The following TLK1 variants were observed in gnomAD, a reference collection of about 807,000 sequenced individuals.
TLK1 encodes serine/threonine-protein kinase tousled-like 1.
Under a neutral mutation model 105.3 loss-of-function variants are expected in TLK1, and 24 were observed. That is an observed-to-expected ratio of 0.23 (90% CI 0.17 to 0.32). TLK1 has a LOEUF of 0.32. Ranked by LOEUF, TLK1 falls within the 10% of genes least tolerant of loss-of-function variation. The pLI is 1.00. For missense variants in TLK1, 558 were observed against 910.5 expected, an observed-to-expected ratio of 0.61 and a Z score of 4.98; for synonymous variants, 321 against 310.4, an observed-to-expected ratio of 1.03 and a Z score of -0.36.
intron 1 of TLK1, among the ~76,000 whole-genome samples, chr2:171,120,453 A>G (rs1001047904): frequency 4.6e-5 from 7 of 152,134 alleles, no homozygotes; most frequent in Non-Finnish European, 8.8e-5. Flanking sequence ...CAATAACAAA[A>G]AAAACCCAAT....
intron 3 of TLK1, among the ~76,000 whole-genome samples, chr2:171,066,105 T>C (rs1477345868): frequency 6.6e-6 from 1 of 152,196 alleles, no homozygotes; most frequent in Non-Finnish European, 1.5e-5. Flanking sequence ...ATTCACATAG[T>C]CTGTCTCTGC....
intron 1 of TLK1, among the ~76,000 whole-genome samples, chr2:171,135,341 A>G (rs1191240632): frequency 6.6e-6 from 1 of 150,604 alleles, no homozygotes; most frequent in African/African-American, 2.4e-5. Flanking sequence ...ATATATATAT[A>G]TATCAAAACA....
At position 171,006,492 on chromosome 2, in the gene TLK1, G is replaced by T. The variant is rs751791303; in HGVS notation, c.1750C>A (p.His584Asn). 1 of 1,607,338 alleles carries T rather than the reference G, an allele frequency of 6.2e-7. No homozygotes were observed. Among genetic ancestry groups the T allele is most frequent in the Non-Finnish European group, 8.5e-7 (1 of 1,177,496 alleles). The change falls in exon 17 of 21, where the codon CAT becomes AAT. Residue 584 changes from histidine (H) to asparagine (N), a missense_variant. By Grantham distance (68) the His-to-Asn change is moderately conservative (BLOSUM62 1). Coordinates refer to ENST00000431350, the MANE Select transcript of TLK1 (RefSeq NM_012290.5). ...TAATTACCTGGCTTAAGATCATAAT[G>T]TATAATAGGGGGTTTGATCTCATTG... ...YLNEIKPPIIHYDLKPGNILL... is the reference protein window; with the variant it reads ...YLNEIKPPIINYDLKPGNILL...
intron 11 of TLK1, among the ~76,000 whole-genome samples, chr2:171,029,367 C>T (rs918861993): frequency 2.6e-5 from 4 of 152,178 alleles, no homozygotes; most frequent in Admixed American, 6.5e-5. Context: ...CAGTGGCTCA[C>T]GCCTGTAATC....
In TLK1 at chr2:171,073,689, AT is replaced by A. The variant is rs376674112; in HGVS notation, c.330+9091del. ...ATATATTTTAGTGTCAGATACTCTA[AT>A]TTCTGCCTGAATATAGGTCTCTAAA... On this transcript the variant is annotated intron_variant, in intron 3 of 20. Transcript: ENST00000431350. 2.1e-4 allele frequency among the ~76,000 whole-genome samples: 32 copies of A among 152,172 alleles called. No homozygotes were observed. The East Asian group carries it at 5.4e-3, about 26-fold the overall frequency.
At chr2:171,119,769 A>G (rs1690578070) in intron 1 of TLK1, among the ~76,000 whole-genome samples, 1 of 152,236 alleles carries the variant, frequency 6.6e-6, no homozygotes, top group Non-Finnish European at 1.5e-5. Context: ...GGATATCCAC[A>G]TGCAAATAAA....
intron 1 of TLK1, among the ~76,000 whole-genome samples, chr2:171,119,293 G>C (rs1690556271): frequency 6.6e-6 from 1 of 151,994 alleles, no homozygotes; most frequent in Non-Finnish European, 1.5e-5. Flanking sequence ...CCTTTATTGA[G>C]AGGAAAAACC....
At chr2:171,050,303 AG>A in intron 8 of TLK1, 129 bp from the exon 9 acceptor site, 2 of 574,554 alleles carry the variant, frequency 3.5e-6, no homozygotes, top group South Asian at 4.0e-5. Flanking sequence ...GTATGATACG[AG>A]AAAAAAAAAA....
intron 1 of TLK1, among the ~76,000 whole-genome samples, chr2:171,137,841 T>A (rs1470423148): frequency 6.7e-6 from 1 of 150,262 alleles, no homozygotes; most frequent in East Asian, 1.9e-4. Flanking sequence ...AGAGTGAGAC[T>A]CTGTCTCAAA....
intron 1 of TLK1, among the ~76,000 whole-genome samples, chr2:171,177,115 G>A (rs1293115424): frequency 1.4e-5 from 2 of 143,118 alleles, no homozygotes; most frequent in Middle Eastern, 4.4e-3. Context: ...TTACAGGCAT[G>A]AGCCAGTATG....
At chr2:171,041,117 C>T (rs886534578) in intron 11 of TLK1, among the ~76,000 whole-genome samples, 6 of 152,064 alleles carry the variant, frequency 3.9e-5, no homozygotes, top group African/African-American at 1.4e-4. Context: ...CAGACTTTAT[C>T]TAGAGATAGT....
chr2:171,215,723 T>C (rs1693701241), intron 1 of TLK1, among the ~76,000 whole-genome samples: 1 of 152,212 alleles, frequency 6.6e-6, no homozygotes, highest in African/African-American at 2.4e-5. Context: ...CTCTTGACTT[T>C]ATAGTCTGTC....
chr2:171,042,871 T>C lies in TLK1; in HGVS notation c.1169+3303A>G, dbSNP rs531529841. 4.0e-4 allele frequency among the ~76,000 whole-genome samples: 61 copies of C among 152,274 alleles called. No individual in the cohort carries two copies. The Middle Eastern group carries it at 0.01, about 25-fold the overall frequency. On this transcript the variant is annotated intron_variant, in intron 11 of 20. Coordinates refer to ENST00000431350, the MANE Select transcript of TLK1 (RefSeq NM_012290.5). ...GTCCATTTAGAGAATTGAAAAAGTT[T>C]AACTTAAGATATATGTAGGGCAAAT...
At chr2:171,018,131 T>C (rs1685296127) in intron 12 of TLK1, among the ~76,000 whole-genome samples, 2 of 152,214 alleles carry the variant, frequency 1.3e-5, no homozygotes, top group Admixed American at 6.5e-5. Flanking sequence ...GATTAGGTTA[T>C]GGAGCCTTCA....
intron 5 of TLK1, among the ~76,000 whole-genome samples, chr2:171,057,325 T>C (rs568352964): frequency 1.3e-5 from 2 of 152,192 alleles, no homozygotes; most frequent in East Asian, 3.9e-4. Flanking sequence ...AGCATGTTCA[T>C]TAAACAACTT....
chr2:171,115,174 C>T (rs28393413), intron 2 of TLK1, among the ~76,000 whole-genome samples: 51,306 of 135,242 alleles, frequency 0.38, 10,992 homozygotes, highest in African/African-American at 0.56. Flanking sequence ...GAATTTCTTT[C>T]TTTTTTTTTT....
intron 1 of TLK1, among the ~76,000 whole-genome samples, chr2:171,158,263 C>T (rs1692313224): frequency 6.6e-6 from 1 of 152,140 alleles, no homozygotes; most frequent in Admixed American, 6.5e-5. Context: ...TGAAGTGTAA[C>T]TTTCACAAAA....
intron 1 of TLK1, among the ~76,000 whole-genome samples, chr2:171,225,420 G>A (rs576619287): frequency 1.3e-5 from 2 of 152,126 alleles, no homozygotes; most frequent in South Asian, 4.1e-4. Context: ...AAACCACAAT[G>A]AGATAGCCAC....
intron 10 of TLK1, among the ~76,000 whole-genome samples, chr2:171,047,988 G>A (rs146854081): frequency 4.5e-4 from 69 of 152,138 alleles, no homozygotes; most frequent in African/African-American, 1.4e-3. Flanking sequence ...TCACTCTGTC[G>A]CCCAGGCTGG....
Sources: allele counts gnomAD v4.1 joint callset (sites outside exome capture counted in the v4.1 genomes callset), GRCh38; gene constraint gnomAD v4.1.1; transcripts MANE v1.5; gene names NCBI Gene and HGNC (gene_info 2026-07-23, HGNC 2026-07-21).